The following RARB variants were observed in gnomAD, a reference collection of about 807,000 sequenced individuals.
RARB encodes HBV-activated protein.
RARB carries 17 observed loss-of-function variants against 51.9 expected under a neutral mutation model. The ratio of observed to expected loss-of-function variants is 0.33; its 90% confidence interval spans 0.22 to 0.49. RARB has a LOEUF of 0.49. RARB is among the 20% of genes least tolerant of loss of function. The probability of loss-of-function intolerance (pLI) is 0.99; values close to 1 mark genes in which losing one functional copy is unlikely to be tolerated. For missense variants in RARB, 369 were observed against 550.8 expected, an observed-to-expected ratio of 0.67 and a Z score of 3.30; for synonymous variants, 215 against 195.4, an observed-to-expected ratio of 1.10 and a Z score of -0.84.
At chr3:24,945,213 T>A (rs956293255) in intron 2 of RARB, among the ~76,000 whole-genome samples, 1 of 152,246 alleles carries the variant, frequency 6.6e-6, no homozygotes, top group African/African-American at 2.4e-5. Flanking sequence ...ATAAAGAGTT[T>A]GCAATTTCAT....
chr3:24,918,394 C>T (rs1214274508), intron 2 of RARB, among the ~76,000 whole-genome samples: 3 of 152,066 alleles, frequency 2.0e-5, no homozygotes, highest in Non-Finnish European at 4.4e-5. Context: ...TATGAGTTGC[C>T]TGGGAGAGAA....
At chr3:25,309,536 C>T (rs865897731) in intron 5 of RARB, among the ~76,000 whole-genome samples, 6 of 129,846 alleles carry the variant, frequency 4.6e-5, no homozygotes, top group Admixed American at 9.4e-5. Context: ...CTCGCCCTGT[C>T]GCCCAGGCTG....
chr3:25,230,369 AAT>A (rs1420416970), intron 5 of RARB, among the ~76,000 whole-genome samples: 3 of 152,040 alleles, frequency 2.0e-5, no homozygotes, highest in Non-Finnish European at 4.4e-5. Context: ...TGAAATTATA[AAT>A]AAAAATGGGA....
intron 2 of RARB, among the ~76,000 whole-genome samples, chr3:24,980,834 G>C (rs1696648482): frequency 1.3e-5 from 2 of 152,158 alleles, no homozygotes; most frequent in African/African-American, 4.8e-5. Context: ...TCCTTTGGAG[G>C]AGAAGAGGCA....
intron 3 of RARB, among the ~76,000 whole-genome samples, chr3:25,516,218 G>A (rs570009087): frequency 7.6e-4 from 116 of 152,178 alleles, no homozygotes; most frequent in African/African-American, 2.7e-3. Context: ...ACAGGCCAGG[G>A]ATTTCTTTAC....
At chr3:24,968,553 G>C (rs1319357232) in intron 2 of RARB, among the ~76,000 whole-genome samples, 1 of 152,096 alleles carries the variant, frequency 6.6e-6, no homozygotes, top group East Asian at 1.9e-4. Context: ...TGTTTCTGTG[G>C]ACATTTGACA....
At chr3:25,354,422 G>T (rs377387582) in intron 5 of RARB, among the ~76,000 whole-genome samples, 35 of 152,024 alleles carry the variant, frequency 2.3e-4, no homozygotes, top group African/African-American at 7.2e-4. Context: ...TGTTCTTCTC[G>T]TTTCTAAAAC....
chr3:25,352,996 G>C (rs1705622721), intron 5 of RARB, among the ~76,000 whole-genome samples: 1 of 152,188 alleles, frequency 6.6e-6, no homozygotes, highest in East Asian at 1.9e-4. Context: ...CAAGTGAGAA[G>C]TCATCTTCTG....
At chr3:25,215,657 C>T (rs895519413) in intron 5 of RARB, among the ~76,000 whole-genome samples, 8 of 152,070 alleles carry the variant, frequency 5.3e-5, no homozygotes, top group South Asian at 4.2e-4. Context: ...TCCTTTCTCT[C>T]GATGATGATT....
chr3:25,369,312 T>C (rs1320698265), intron 5 of RARB, among the ~76,000 whole-genome samples: 1 of 152,208 alleles, frequency 6.6e-6, no homozygotes, highest in Non-Finnish European at 1.5e-5. Context: ...AAGCTCACAT[T>C]CTACCAAAAG....
At chr3:25,266,656 CT>C (rs1703134097) in intron 5 of RARB, among the ~76,000 whole-genome samples, 1 of 152,158 alleles carries the variant, frequency 6.6e-6, no homozygotes, top group Admixed American at 6.6e-5. Context: ...CCTGACACCC[CT>C]GTGACTGAAT....
chr3:24,931,203 T>C (rs2125393530), intron 2 of RARB, among the ~76,000 whole-genome samples: 2 of 152,190 alleles, frequency 1.3e-5, no homozygotes, highest in East Asian at 3.9e-4. Context: ...ATATTATTAG[T>C]GTCTCCAGTC....
intron 5 of RARB, among the ~76,000 whole-genome samples, chr3:25,395,613 G>C (rs1457397664): frequency 1.3e-5 from 2 of 151,400 alleles, no homozygotes; most frequent in Non-Finnish European, 2.9e-5. Context: ...TCTTTTTTTT[G>C]TCTTTGTTGG....
At chr3:25,328,486 C>G (rs549371837) in intron 5 of RARB, among the ~76,000 whole-genome samples, 2 of 152,350 alleles carry the variant, frequency 1.3e-5, no homozygotes, top group South Asian at 2.1e-4. Context: ...TGCCACTGCA[C>G]TCCAGCTTGG....
At chr3:25,219,565 G>T (rs528652781) in intron 5 of RARB, among the ~76,000 whole-genome samples, 1 of 152,178 alleles carries the variant, frequency 6.6e-6, no homozygotes, top group Non-Finnish European at 1.5e-5. Flanking sequence ...GGGGAGGGAA[G>T]TGCCTGTTCC....
Position 25,332,781 on chromosome 3 carries a change from C to G in RARB, c.179-128412C>G, listed in dbSNP as rs189303651. On this transcript the variant is annotated intron_variant, in intron 5 of 11. Coordinates refer to the RARB transcript ENST00000383772. ...TGATTGTATATTTAGAAAACCCCAT[C>G]ATCTCAGCCCAAAATCTCCTTAAGC... Among the ~76,000 whole-genome samples, 262 of 152,266 alleles carry G rather than the reference C, an allele frequency of 1.7e-3. 1 individual carries two copies. The highest frequency in any genetic ancestry group is 5.8e-3 in the African/African-American group (242 of 41,542).
At chr3:25,279,603 T>C (rs1703473754) in intron 5 of RARB, among the ~76,000 whole-genome samples, 1 of 151,996 alleles carries the variant, frequency 6.6e-6, no homozygotes, top group Non-Finnish European at 1.5e-5. Flanking sequence ...GTTAAATGTT[T>C]TTCTCTGACA....
At chr3:25,463,323 C>G (rs535167777) in intron 2 of RARB, among the ~76,000 whole-genome samples, 1 of 152,296 alleles carries the variant, frequency 6.6e-6, no homozygotes, top group African/African-American at 2.4e-5. Flanking sequence ...CCTAGCTCCA[C>G]TGCCCAGCAT....
At chr3:25,312,898 A>G (rs563319164) in intron 5 of RARB, among the ~76,000 whole-genome samples, 15 of 152,222 alleles carry the variant, frequency 9.9e-5, no homozygotes, top group African/African-American at 2.6e-4. Flanking sequence ...CTGGTGACCA[A>G]TGATCTGTAC....
Sources: gnomAD v4.1 joint callset for allele counts (sites outside exome capture counted in the v4.1 genomes callset) on GRCh38, gnomAD v4.1.1 for gene constraint, MANE v1.5 for transcripts, NCBI Gene and HGNC (gene_info 2026-07-23, HGNC 2026-07-21) for gene names.